GALNTL6: variants seen among roughly 807,000 people sequenced by gnomAD.
GALNTL6 encodes the protein polypeptide N-acetylgalactosaminyltransferase like 6, also known as polypeptide N-acetylgalactosaminyltransferase-like 6.
In GALNTL6, 46 loss-of-function variants were observed where a neutral mutation model predicts 73.7. The ratio of observed to expected loss-of-function variants is 0.62; its 90% confidence interval spans 0.49 to 0.80. GALNTL6 has a LOEUF of 0.80. Ranked by LOEUF, GALNTL6 falls within the 30% of genes least tolerant of loss-of-function variation. The pLI is 0.00. For synonymous variants in GALNTL6, 259 were observed against 263.7 expected, an observed-to-expected ratio of 0.98 and a Z score of 0.17; for missense variants, 604 against 755.0, an observed-to-expected ratio of 0.80 and a Z score of 2.34.
At chr4:172,568,882 C>T (rs1736662896) in intron 5 of GALNTL6, among the ~76,000 whole-genome samples, 2 of 151,102 alleles carry the variant, frequency 1.3e-5, no homozygotes, top group African/African-American at 4.9e-5. Context: ...ACTTCGTAAA[C>T]TTTCTTAAAA....
intron 2 of GALNTL6, among the ~76,000 whole-genome samples, chr4:171,818,365 A>T (rs1423558815): frequency 6.6e-6 from 1 of 151,890 alleles, no homozygotes; most frequent in African/African-American, 2.4e-5. Context: ...AAAAACCCCA[A>T]ATTCCAAAAA....
rs545182878 is a variant in GALNTL6, at chr4:172,333,801, A to G, written c.387-14722A>G. Among the ~76,000 whole-genome samples, 30 of 152,212 alleles carry G rather than the reference A, an allele frequency of 2.0e-4. 1 individual carries two copies. The South Asian group carries it at 6.0e-3, about 31-fold the overall frequency. On this transcript the variant is annotated intron_variant, in intron 4 of 12. Transcript: ENST00000506823. ...GGAGTTTTCCCAATGTTTTCTTCTAATATTTTTTATAGTTTGGGAGCTTAT... is the reference window on the plus strand; with the variant it reads ...GGAGTTTTCCCAATGTTTTCTTCTAGTATTTTTTATAGTTTGGGAGCTTAT...
At chr4:172,292,245 A>T (rs1369608624) in intron 3 of GALNTL6, among the ~76,000 whole-genome samples, 1 of 152,086 alleles carries the variant, frequency 6.6e-6, no homozygotes, top group South Asian at 2.1e-4. Flanking sequence ...TCAGAGAAAG[A>T]ACAACCAATA....
chr4:171,842,830 A>G (rs1218240463), intron 2 of GALNTL6, among the ~76,000 whole-genome samples: 6 of 152,262 alleles, frequency 3.9e-5, no homozygotes, highest in African/African-American at 1.4e-4. Flanking sequence ...TTTGGAGGGC[A>G]CAAACATCCA....
At chr4:171,949,399 A>G (rs958531208) in intron 2 of GALNTL6, among the ~76,000 whole-genome samples, 1 of 152,224 alleles carries the variant, frequency 6.6e-6, no homozygotes, top group African/African-American at 2.4e-5. Context: ...AGGGGAAGAA[A>G]TAAATACAAA....
Position 172,698,452 on chromosome 4 carries a change from T to A in GALNTL6, c.554-110909T>A, listed in dbSNP as rs182332708. 1.7e-3 allele frequency among the ~76,000 whole-genome samples: 261 copies of A among 152,278 alleles called. 1 individual carries two copies. Among genetic ancestry groups the A allele is most frequent in the African/African-American group, 6.1e-3 (255 of 41,568 alleles). ...TCCCATCTACCCTCCACTCAGTCTC[T>A]TGGACAGGATCCAAGGCTTCCTCTT... On this transcript the variant is annotated intron_variant, in intron 5 of 12. Coordinates refer to ENST00000506823, the MANE Select transcript of GALNTL6 (RefSeq NM_001034845.3).
intron 2 of GALNTL6, among the ~76,000 whole-genome samples, chr4:171,923,398 GT>G (rs565298275): frequency 9.6e-4 from 119 of 124,278 alleles, no homozygotes; most frequent in Admixed American, 1.2e-3. Context: ...CCCTGACTTT[GT>G]TTTTTTTTTT....
chr4:172,825,133 C>CTTT (rs1742191917), intron 7 of GALNTL6, among the ~76,000 whole-genome samples: 1 of 38,014 alleles, frequency 2.6e-5, no homozygotes, highest in Non-Finnish European at 5.2e-5. Context: ...TTTCTTTCTT[C>CTTT]CTTTCTTTCC....
At chr4:172,906,030 C>T (rs1053777352) in intron 8 of GALNTL6, among the ~76,000 whole-genome samples, 16 of 152,100 alleles carry the variant, frequency 1.1e-4, no homozygotes, top group African/African-American at 3.6e-4. Context: ...ACTGGCACAT[C>T]CCACTAAGTG....
chr4:172,771,993 C>T (rs1405317091), intron 5 of GALNTL6, among the ~76,000 whole-genome samples: 1 of 152,102 alleles, frequency 6.6e-6, no homozygotes, highest in Non-Finnish European at 1.5e-5. Flanking sequence ...TTAATGGACT[C>T]ACAGTTCCAC....
intron 3 of GALNTL6, among the ~76,000 whole-genome samples, chr4:172,242,814 G>C (rs1737493236): frequency 6.6e-6 from 1 of 152,206 alleles, no homozygotes; most frequent in South Asian, 2.1e-4. Context: ...AGGCATTGTA[G>C]GAGGTGCCCT....
intron 2 of GALNTL6, among the ~76,000 whole-genome samples, chr4:171,936,015 T>C (rs1010439360): frequency 6.6e-6 from 1 of 152,134 alleles, no homozygotes; most frequent in Admixed American, 6.6e-5. Context: ...TCAGAAAATA[T>C]CTATCTGTGG....
chr4:172,151,874 T>C (rs1734097066), intron 2 of GALNTL6, among the ~76,000 whole-genome samples: 1 of 150,728 alleles, frequency 6.6e-6, no homozygotes, highest in African/African-American at 2.4e-5. Context: ...TCCATATATA[T>C]ATATTTTATA....
At chr4:172,737,336 T>C (rs886266476) in intron 5 of GALNTL6, among the ~76,000 whole-genome samples, 8 of 152,156 alleles carry the variant, frequency 5.3e-5, no homozygotes, top group African/African-American at 1.9e-4. Flanking sequence ...CCTCTGAATT[T>C]GTATTTTTAA....
intron 5 of GALNTL6, among the ~76,000 whole-genome samples, chr4:172,676,622 A>T (rs1032859724): frequency 3.3e-5 from 5 of 152,216 alleles, no homozygotes; most frequent in Admixed American, 3.3e-4. Context: ...TAGGGGTTAG[A>T]CATATATTAC....
intron 12 of GALNTL6, among the ~76,000 whole-genome samples, chr4:173,034,925 G>A (rs1330808953): frequency 6.6e-6 from 1 of 152,044 alleles, no homozygotes; most frequent in East Asian, 1.9e-4. Context: ...AATAGTGCCT[G>A]GCAAATAGCA....
At chr4:172,422,871 C>T (rs1731099877) in intron 5 of GALNTL6, among the ~76,000 whole-genome samples, 1 of 151,262 alleles carries the variant, frequency 6.6e-6, no homozygotes, top group Non-Finnish European at 1.5e-5. Flanking sequence ...CTCTATTGTA[C>T]ATTCCACACT....
intron 5 of GALNTL6, among the ~76,000 whole-genome samples, chr4:172,620,882 TC>T (rs1738926115): frequency 6.6e-6 from 1 of 152,218 alleles, no homozygotes; most frequent in Non-Finnish European, 1.5e-5. Context: ...TACTTTGTGT[TC>T]CTGAACCAAA....
intron 2 of GALNTL6, among the ~76,000 whole-genome samples, chr4:171,853,012 A>ATTTTTTTTTTTTTTTTT (rs765984611): frequency 6.4e-4 from 56 of 86,834 alleles, no homozygotes; most frequent in African/African-American, 1.1e-3. Flanking sequence ...CGCCCGGCTA[A>ATTTTTTTTTTTTTTTTT]TTTTTTTTTT....
Sources: gnomAD v4.1 joint callset for allele counts (sites outside exome capture counted in the v4.1 genomes callset) on GRCh38, gnomAD v4.1.1 for gene constraint, MANE v1.5 for transcripts, NCBI Gene and HGNC (gene_info 2026-07-23, HGNC 2026-07-21) for gene names.